The following ZNF251 variants were observed in gnomAD, a reference collection of about 807,000 sequenced individuals.
The protein encoded by ZNF251 is zinc finger protein 251.
ZNF251 carries 14 observed loss-of-function variants against 13.5 expected under a neutral mutation model. The ratio of observed to expected loss-of-function variants is 1.04; its 90% CI spans 0.69 to 1.63. ZNF251 has a LOEUF of 1.63. Among genes scored for constraint, ZNF251 ranks in the 40% most tolerant of loss-of-function variants. The pLI is 0.00. For missense variants in ZNF251, 764 were observed against 834.9 expected (o/e 0.92, Z 1.05); for synonymous variants, 287 against 295.2 (o/e 0.97, Z 0.28).
In ZNF251 at chr8:144,734,796, G is replaced by A. The variant is rs1035490547; in HGVS notation, c.278-11414C>T. Reference sequence around the variant, plus strand: ...TTTGTCTTAAGGGATTTTGCAGGCCGGGCGTGGTAGCTCACGCCTGTAATC... The same window carrying A: ...TTTGTCTTAAGGGATTTTGCAGGCCAGGCGTGGTAGCTCACGCCTGTAATC... On this transcript the variant is annotated intron_variant, in intron 4 of 4. Transcript: ENST00000292562. The surrounding 1 kb of genome is among the most constrained non-coding windows in gnomAD (Gnocchi z 4.4). 7.2e-5 allele frequency among the ~76,000 whole-genome samples: 11 copies of A among 152,192 alleles called. No individual in the cohort carries two copies. Among genetic ancestry groups the A allele is most frequent in the African/African-American group, 2.7e-4 (11 of 41,446 alleles).
intron 4 of ZNF251, among the ~76,000 whole-genome samples, chr8:144,746,427 A>G (rs1824432684): frequency 6.6e-6 from 1 of 152,254 alleles, no homozygotes; most frequent in Admixed American, 6.5e-5. Flanking sequence ...TATGTTCATA[A>G]GAGGTGTCTG....
At chr8:144,737,803 A>T (rs1022210483) in intron 4 of ZNF251, among the ~76,000 whole-genome samples, 2 of 132,886 alleles carry the variant, frequency 1.5e-5, no homozygotes, top group African/African-American at 2.9e-5. Flanking sequence ...GCACCACTGC[A>T]CTCCAGCCTG....
At chr8:144,751,343 C>CTA (rs1170169036) in intron 4 of ZNF251, among the ~76,000 whole-genome samples, 2 of 152,094 alleles carry the variant, frequency 1.3e-5, no homozygotes, top group African/African-American at 4.8e-5. Context: ...TTTTTATAAA[C>CTA]TATATAACTG....
chr8:144,754,946 C>T, intron 1 of ZNF251, 143 bp from the exon 2 acceptor site: 2 of 1,413,978 alleles, frequency 1.4e-6, no homozygotes, highest in South Asian at 3.2e-5. Flanking sequence ...TGCCCTACTG[C>T]TCAGTGACTC....
chr8:144,722,918 G>A lies in ZNF251; in HGVS notation c.742C>T (p.His248Tyr), dbSNP rs766509304. The change falls in exon 5 of 5, where the codon CAC (histidine) becomes TAC (tyrosine). Residue 248 changes from histidine to tyrosine, a missense_variant. His to Tyr is a moderately conservative substitution (Grantham distance 83). Coordinates refer to ENST00000292562, the MANE Select transcript of ZNF251 (RefSeq NM_138367.2). The surrounding 1 kb of genome is among the most constrained non-coding windows in gnomAD (Gnocchi z 4.8). ...TGGTGCAGAACAAGATTTGAGCTGT[G>A]AGTAAAGGCTCGCCCACACCGGCCA... ...ECGRCGRAFTHSSNLVLHHHI... is the reference protein window; with the variant it reads ...ECGRCGRAFTYSSNLVLHHHI... 6.2e-7 allele frequency: 1 copy of A among 1,614,010 alleles called. No individual in the cohort carries two copies. The highest frequency in any genetic ancestry group is 8.5e-7 in the Non-Finnish European group (1 of 1,179,900).
chr8:144,746,119 T>C (rs1824416665), intron 4 of ZNF251, among the ~76,000 whole-genome samples: 1 of 152,248 alleles, frequency 6.6e-6, no homozygotes, highest in South Asian at 2.1e-4. Context: ...AAGGAAAATG[T>C]AGATTTTCTG....
intron 4 of ZNF251, among the ~76,000 whole-genome samples, chr8:144,731,948 A>C (rs181550220): frequency 7.0e-6 from 1 of 141,978 alleles, no homozygotes; most frequent in Non-Finnish European, 1.5e-5. Context: ...TGACAGCTGC[A>C]TTTTTTTTTT....
chr8:144,732,008 T>C (rs959840351), intron 4 of ZNF251, among the ~76,000 whole-genome samples: 2 of 150,950 alleles, frequency 1.3e-5, no homozygotes, highest in Non-Finnish European at 2.9e-5. Context: ...AATGATGCGA[T>C]CTCAACTCAC....
At position 144,721,789 on chromosome 8, in the gene ZNF251, C is replaced by T. The variant is rs1450101782; in HGVS notation, c.1871G>A (p.Cys624Tyr). ...VTHTGQKPCHCSVYGKAFSQS... is the reference protein window; with the variant it reads ...VTHTGQKPCHYSVYGKAFSQS... ...GCTGAAGGCTTTCCCATACACACTG[C>T]AATGACATGGTTTCTGACCAGTGTG... The change falls in exon 5 of 5, where the codon TGC becomes TAC. Residue 624 changes from cysteine (C) to tyrosine (Y), a missense_variant. Cys to Tyr is a radical substitution (Grantham distance 194, BLOSUM62 -2). Coordinates refer to ENST00000292562, the MANE Select transcript of ZNF251 (RefSeq NM_138367.2). The T allele has an allele frequency of 1.3e-6, 2 of 1,484,138 alleles. No homozygotes were observed. Among genetic ancestry groups the T allele is most frequent in the Admixed American group, 2.4e-5 (1 of 42,288 alleles). The allele number at this position is 1,484,138 out of a possible 1,614,324, so 91.9% of individuals were successfully genotyped here.
chr8:144,749,579 C>A (rs1438550247), intron 4 of ZNF251, among the ~76,000 whole-genome samples: 1 of 152,148 alleles, frequency 6.6e-6, no homozygotes, highest in Non-Finnish European at 1.5e-5. Flanking sequence ...TGCCCTTGTT[C>A]TTCATTCCTA....
intron 4 of ZNF251, among the ~76,000 whole-genome samples, chr8:144,733,678 T>C (rs1204379975): frequency 6.6e-6 from 1 of 152,176 alleles, no homozygotes; most frequent in Non-Finnish European, 1.5e-5. Flanking sequence ...GGAAGGCAGA[T>C]GCCCCAGATC....
chr8:144,735,632 C>T (rs547444478), intron 4 of ZNF251, among the ~76,000 whole-genome samples: 5 of 152,210 alleles, frequency 3.3e-5, no homozygotes, highest in African/African-American at 7.2e-5. Context: ...GAAGGACGGG[C>T]GCACTCGGAG....
intron 4 of ZNF251, among the ~76,000 whole-genome samples, chr8:144,726,650 C>G (rs1285464902): frequency 6.6e-6 from 1 of 152,058 alleles, no homozygotes; most frequent in Non-Finnish European, 1.5e-5. Context: ...GCGGGTGGAT[C>G]ACAAGGTCAG....
At position 144,754,329 on chromosome 8, in the gene ZNF251, A is replaced by AG. The variant is rs773213696; in HGVS notation, c.34-9_34-8insC. On this transcript the variant is annotated splice_polypyrimidine_tract_variant and intron_variant, in intron 2 of 4. Transcript: ENST00000292562. ...GAAGGTCAGCGGCATCTCCTGCAAC[A>AG]AAACATCGCCGCTGCCCAGGCCATG... 1.3e-6 allele frequency: 2 copies of AG among 1,599,520 alleles called. No individual in the cohort carries two copies. The highest frequency in any genetic ancestry group is 2.2e-5 in the South Asian group (2 of 89,208).
chr8:144,726,830 A>C (rs892697293), intron 4 of ZNF251, among the ~76,000 whole-genome samples: 7 of 152,178 alleles, frequency 4.6e-5, no homozygotes, highest in Admixed American at 2.0e-4. Context: ...AGATCGCGCC[A>C]CTGCACTCCA....
At chr8:144,748,340 G>A (rs916942025) in intron 4 of ZNF251, among the ~76,000 whole-genome samples, 2 of 152,066 alleles carry the variant, frequency 1.3e-5, no homozygotes, top group Admixed American at 6.5e-5. Context: ...TCCCAGTGCT[G>A]GGATTACAGG....
At position 144,729,340 on chromosome 8, in the gene ZNF251, T is replaced by TA. The variant is rs1273627244; in HGVS notation, c.278-5959_278-5958insT. Among the ~76,000 whole-genome samples, 133 of 73,546 alleles carry TA rather than the reference T, an allele frequency of 1.8e-3. 1 individual carries two copies. The highest frequency in any genetic ancestry group is 3.7e-3 in the East Asian group (8 of 2,152). 48.2% of individuals were successfully genotyped at this position (73,546 alleles called of 152,430 possible). On this transcript the variant is annotated intron_variant, in intron 4 of 4. Transcript: ENST00000292562. The stretch of plus-strand genomic sequence containing the variant: ...CCTTTTATTTATTTATTTTTATTTT[T>TA]TTTTTTTTTTTTGTGAGATAGAGTC...
At chr8:144,748,998 C>T (rs1824562353) in intron 4 of ZNF251, among the ~76,000 whole-genome samples, 1 of 152,068 alleles carries the variant, frequency 6.6e-6, no homozygotes, top group African/African-American at 2.4e-5. Context: ...GAGACCTGAT[C>T]TCTACAAAAA....
At chr8:144,739,500 T>C (rs1344826879) in intron 4 of ZNF251, among the ~76,000 whole-genome samples, 2 of 152,146 alleles carry the variant, frequency 1.3e-5, no homozygotes, top group Admixed American at 6.5e-5. Flanking sequence ...CTACAAAATA[T>C]AGAGCCCAGG....
Sources: allele counts gnomAD v4.1 joint callset (sites outside exome capture counted in the v4.1 genomes callset), GRCh38; gene constraint gnomAD v4.1.1; non-coding constraint Gnocchi (gnomAD v3.1); transcripts MANE v1.5; gene names NCBI Gene and HGNC (gene_info 2026-07-23, HGNC 2026-07-21).